Variants in PALD1 observed in about 807,000 individuals in gnomAD.
PALD1 encodes phosphatase domain containing paladin 1.
In PALD1, 57 loss-of-function variants were observed where a neutral mutation model predicts 96.0. The observed-to-expected ratio is 0.59, with a 90% CI of 0.48 to 0.74. The LOEUF (loss-of-function observed/expected upper bound fraction) is 0.74, where lower values mean the gene tolerates loss of function less well. PALD1 is among the 30% of genes least tolerant of loss of function. The pLI, the probability that PALD1 is intolerant of heterozygous loss-of-function variation, is 0.00. For missense variants in PALD1, 1,063 were observed against 1,143.7 expected (o/e 0.93, Z 1.02); for synonymous variants, 464 against 473.6 (o/e 0.98, Z 0.26).
intron 1 of PALD1, 142 bp from the exon 2 acceptor site, chr10:70,525,781 G>A (rs1246411835): frequency 7.7e-6 from 5 of 650,370 alleles, no homozygotes; most frequent in African/African-American, 7.2e-5. Flanking sequence ...TGGGCCCCAC[G>A]GTGTAGGAGG....
intron 1 of PALD1, among the ~76,000 whole-genome samples, chr10:70,523,639 G>A (rs72811333): frequency 0.15 from 22,720 of 152,144 alleles, 2,014 homozygotes; most frequent in Middle Eastern, 0.26. Flanking sequence ...GAGAGAGAAA[G>A]AGAGGGAGAA....
chr10:70,550,378 C>T (rs1178823015), intron 18 of PALD1, among the ~76,000 whole-genome samples: 1 of 152,148 alleles, frequency 6.6e-6, no homozygotes, highest in African/African-American at 2.4e-5. Flanking sequence ...CTGCTGGGCC[C>T]CACTCTGGAG....
At chr10:70,483,276 G>A (rs574208218) in intron 1 of PALD1, among the ~76,000 whole-genome samples, 3 of 152,266 alleles carry the variant, frequency 2.0e-5, no homozygotes, top group Admixed American at 6.5e-5. Flanking sequence ...CTTGTGAAGC[G>A]TTTTGTGTAT....
chr10:70,552,778 T>C (rs1225247597), intron 18 of PALD1, among the ~76,000 whole-genome samples: 1 of 152,236 alleles, frequency 6.6e-6, no homozygotes, highest in African/African-American at 2.4e-5. Flanking sequence ...AATGTTTAGA[T>C]GTTTCCACTA....
At chr10:70,520,591 T>C (rs1376476474) in intron 1 of PALD1, among the ~76,000 whole-genome samples, 1 of 152,132 alleles carries the variant, frequency 6.6e-6, no homozygotes, top group Non-Finnish European at 1.5e-5. Flanking sequence ...TTGGAGCTAA[T>C]GTCCCACCTT....
the PALD1 span, among the ~76,000 whole-genome samples, chr10:70,466,403 C>G: frequency 6.6e-6 from 1 of 152,000 alleles, no homozygotes; most frequent in Non-Finnish European, 1.5e-5. Flanking sequence ...CGCCACCATG[C>G]CTGGCTAATT....
At chr10:70,541,010 A>G in intron 15 of PALD1, 92 bp from the exon 16 acceptor site, 2 of 1,390,956 alleles carry the variant, frequency 1.4e-6, no homozygotes, top group Non-Finnish European at 1.9e-6. Flanking sequence ...GCCCGAGGAC[A>G]GTGGCTGGGG....
chr10:70,541,590 C>G lies in PALD1; in HGVS notation c.2121+56C>G, dbSNP rs1847249578. On this transcript the variant is annotated intron_variant, in intron 17 of 19. Transcript: ENST00000263563. ...CCTTGGGATGGGAGGAGGAGGAGGA[C>G]TCCTGCTTGCCGGTCTAGGGGTCCT... 16 of 1,334,952 alleles carry G rather than the reference C, an allele frequency of 1.2e-5. No homozygotes were observed. The South Asian group carries it at 1.7e-4, about 14-fold the overall frequency. 82.7% of individuals were successfully genotyped at this position (1,334,952 alleles called of 1,614,324 possible). A position where few individuals can be genotyped will look rare whatever the true frequency, so the allele number is the denominator to read the frequency against.
intron 1 of PALD1, among the ~76,000 whole-genome samples, chr10:70,479,455 G>C (rs1335261015): frequency 2.6e-5 from 4 of 152,206 alleles, no homozygotes; most frequent in African/African-American, 9.6e-5. Context: ...CTCATCTCTA[G>C]GGGGCGTGAG....
the PALD1 span, among the ~76,000 whole-genome samples, chr10:70,458,491 C>T: frequency 5.3e-5 from 8 of 152,124 alleles, no homozygotes; most frequent in Non-Finnish European, 8.8e-5. Context: ...TGGGAAAGCG[C>T]GCGGAGGGCG....
intron 18 of PALD1, among the ~76,000 whole-genome samples, chr10:70,556,847 C>T (rs1195919474): frequency 1.3e-5 from 2 of 152,168 alleles, no homozygotes; most frequent in Admixed American, 1.3e-4. Flanking sequence ...GACTTGGTGC[C>T]TGCTGCTCTC....
intron 17 of PALD1, among the ~76,000 whole-genome samples, chr10:70,543,061 G>GTTTTT (rs57980012): frequency 8.1e-6 from 1 of 123,098 alleles, no homozygotes. Context: ...GTGCCCAGCC[G>GTTTTT]TTTTTTTTTT....
intron 3 of PALD1, among the ~76,000 whole-genome samples, 165 bp downstream of exon 3, chr10:70,529,496 G>A (rs1333164947): frequency 1.3e-5 from 2 of 151,870 alleles, no homozygotes. Flanking sequence ...TGATCCTCTG[G>A]TTGATTCCTG....
chr10:70,478,592 G>A (rs547481315), upstream of PALD1, among the ~76,000 whole-genome samples: 266 of 152,330 alleles, frequency 1.7e-3, 1 homozygote, highest in African/African-American at 6.1e-3. Context: ...GTGGGCGGGC[G>A]GAGGGAGGAA....
At position 70,552,512 on chromosome 10, in the gene PALD1, G is replaced by A. The variant is rs375520944; in HGVS notation, c.2262+5066G>A. Among the ~76,000 whole-genome samples, 193 of 152,282 alleles carry A rather than the reference G, an allele frequency of 1.3e-3. 1 individual carries two copies. The highest frequency in any genetic ancestry group is 2.1e-3 in the Non-Finnish European group (142 of 68,026). On this transcript the variant is annotated intron_variant, in intron 18 of 19. Transcript: ENST00000263563. ...CAAACAGAAAATTTCAAAGCAGAGAGCATAATTTCCTCAGCCCTCATGTGC... is the reference window on the plus strand; with the variant it reads ...CAAACAGAAAATTTCAAAGCAGAGAACATAATTTCCTCAGCCCTCATGTGC...
chr10:70,528,718 A>C (rs1846924144), intron 2 of PALD1, among the ~76,000 whole-genome samples: 1 of 152,192 alleles, frequency 6.6e-6, no homozygotes, highest in African/African-American at 2.4e-5. Context: ...CATCTCTTAC[A>C]TGCAAGTCCA....
At chr10:70,543,788 C>T (rs534928324) in intron 17 of PALD1, among the ~76,000 whole-genome samples, 2 of 152,284 alleles carry the variant, frequency 1.3e-5, no homozygotes, top group East Asian at 3.9e-4. Flanking sequence ...AGGCCCCGTG[C>T]TGGGAGCTGT....
Position 70,566,793 on chromosome 10 carries a change from G to T in PALD1, c.*60G>T. On this transcript the variant is annotated 3_prime_UTR_variant, in exon 20 of 20. Transcript: ENST00000263563. The stretch of plus-strand genomic sequence containing the variant: ...CCCACGCAGGCCTGGGGTGTCTGAG[G>T]TGCTCTTGGCTGGGAGCGGCCCTGA... The T allele has an allele frequency of 8.0e-7, 1 of 1,247,564 alleles. No individual in the cohort carries two copies. The highest frequency in any genetic ancestry group is 1.4e-5 in the South Asian group (1 of 72,876). 77.3% of individuals were successfully genotyped at this position (1,247,564 alleles called of 1,614,324 possible). A position where few individuals can be genotyped will look rare whatever the true frequency, so the allele number is the denominator to read the frequency against.
intron 18 of PALD1, among the ~76,000 whole-genome samples, chr10:70,563,224 C>T (rs937428514): frequency 6.6e-6 from 1 of 152,136 alleles, no homozygotes; most frequent in African/African-American, 2.4e-5. Flanking sequence ...AGGTGGCTTC[C>T]ATAATAGATC....
Sources: gnomAD v4.1 joint callset for allele counts (sites outside exome capture counted in the v4.1 genomes callset) on GRCh38, gnomAD v4.1.1 for gene constraint, MANE v1.5 for transcripts, NCBI Gene and HGNC (gene_info 2026-07-23, HGNC 2026-07-21) for gene names.